PDGFC: variants seen among roughly 807,000 people sequenced by gnomAD.
PDGFC encodes the protein platelet derived growth factor C.
PDGFC carries 12 observed loss-of-function variants against 35.5 expected under a neutral mutation model. The ratio of observed to expected loss-of-function variants is 0.34; its 90% CI spans 0.22 to 0.55. The LOEUF is 0.55. PDGFC is among the 20% of genes least tolerant of loss of function. The pLI is 0.91. For missense variants in PDGFC, 322 were observed against 412.4 expected (o/e 0.78, Z 1.90); for synonymous variants, 159 against 148.8 (o/e 1.07, Z -0.50).
In PDGFC at chr4:156,968,044, AC is replaced by A. The variant is rs1732506547; in HGVS notation, c.118+2741del. 5.3e-5 allele frequency among the ~76,000 whole-genome samples: 8 copies of A among 152,322 alleles called. No individual in the cohort carries two copies. The South Asian group carries it at 1.7e-3, about 32-fold the overall frequency. On this transcript the variant is annotated intron_variant, in intron 1 of 5. Transcript: ENST00000502773. ...CCTAACAATAGTGTAAATGACACTA[AC>A]CCTTCAAAGCTAATTCTGAACCATG...
At chr4:156,780,822 A>C (rs1364401530) in intron 3 of PDGFC, among the ~76,000 whole-genome samples, 1 of 152,164 alleles carries the variant, frequency 6.6e-6, no homozygotes, top group Non-Finnish European at 1.5e-5. Flanking sequence ...ACCCCCCCAC[A>C]TGGCTGAATC....
chr4:156,935,984 T>C (rs1013773530), intron 1 of PDGFC, among the ~76,000 whole-genome samples: 9 of 152,166 alleles, frequency 5.9e-5, no homozygotes, highest in Non-Finnish European at 1.3e-4. Context: ...AACCTGACAA[T>C]TGCTAGAACG....
chr4:156,961,239 A>T lies in PDGFC; in HGVS notation c.118+9547T>A, dbSNP rs942507850. Among the ~76,000 whole-genome samples, 5 of 152,130 alleles carry T rather than the reference A, an allele frequency of 3.3e-5. No individual in the cohort carries two copies. The East Asian group carries it at 9.7e-4, about 29-fold the overall frequency. On this transcript the variant is annotated intron_variant, in intron 1 of 5. Transcript: ENST00000502773. ...GTGATTTATTCCCCAGCAGAAAAAA[A>T]GATAAATAATTATGACTACTTAAAA...
chr4:156,809,474 C>T (rs1257615302), intron 3 of PDGFC, among the ~76,000 whole-genome samples: 2 of 151,942 alleles, frequency 1.3e-5, no homozygotes, highest in Admixed American at 1.3e-4. Flanking sequence ...ACAGTGAATC[C>T]TGTATTAGTT....
At chr4:156,912,611 T>A (rs145863516) in intron 1 of PDGFC, among the ~76,000 whole-genome samples, 1 of 152,108 alleles carries the variant, frequency 6.6e-6, no homozygotes, top group Non-Finnish European at 1.5e-5. Context: ...AAACTGACAG[T>A]ATTCTAGAAG....
intron 1 of PDGFC, among the ~76,000 whole-genome samples, chr4:156,898,821 C>T (rs907461233): frequency 1.3e-5 from 2 of 152,094 alleles, no homozygotes; most frequent in African/African-American, 4.8e-5. Context: ...CTACACCTGG[C>T]TAATTTTTCT....
Position 156,940,367 on chromosome 4 carries a change from T to C in PDGFC, c.118+30419A>G, listed in dbSNP as rs7668451. 7.9e-3 allele frequency among the ~76,000 whole-genome samples: 1,210 copies of C among 152,248 alleles called. 15 individuals are homozygous for C. The highest frequency in any genetic ancestry group is 0.014 in the Non-Finnish European group (920 of 67,978). On this transcript the variant is annotated intron_variant, in intron 1 of 5. Coordinates refer to ENST00000502773, the MANE Select transcript of PDGFC (RefSeq NM_016205.3). ...TGCCCTAAATATAGGTTATGAAATA[T>C]ATATTCAACACTCTGGACAATTGAT...
At chr4:156,766,190 C>G (rs1315185751) in intron 5 of PDGFC, among the ~76,000 whole-genome samples, 1 of 151,994 alleles carries the variant, frequency 6.6e-6, no homozygotes, top group Non-Finnish European at 1.5e-5. Flanking sequence ...CTTTGAAGCC[C>G]TACAGATGCA....
chr4:156,929,184 C>G lies in PDGFC; in HGVS notation c.118+41602G>C, dbSNP rs577854290. Among the ~76,000 whole-genome samples, 52 of 152,094 alleles carry G rather than the reference C, an allele frequency of 3.4e-4. 1 individual carries two copies. The South Asian group carries it at 0.011, about 32-fold the overall frequency. The stretch of plus-strand genomic sequence containing the variant: ...AAGAAAAATTGTGCAAAATGGCAAC[C>G]AGCAAAAAGATACAATATACAAATC... On this transcript the variant is annotated intron_variant, in intron 1 of 5. Coordinates refer to ENST00000502773, the MANE Select transcript of PDGFC (RefSeq NM_016205.3).
At position 156,900,936 on chromosome 4, in the gene PDGFC, GGAGGGAGGGAGGAAGT is replaced by G. The variant is rs1730755900; in HGVS notation, c.119-50536_119-50521del. ...GGGAGGGAGAGAGGAAGTGAGGGAG[GGAGGGAGGGAGGAAGT>G]GAGGGAGGGAGGAAGAAAAAAAGAG... On this transcript the variant is annotated intron_variant, in intron 1 of 5. Transcript: ENST00000502773. Among the ~76,000 whole-genome samples the G allele has an allele frequency of 2.7e-5, 4 of 145,460 alleles. No individual in the cohort carries two copies. In the South Asian group the frequency reaches 6.9e-4, roughly 25 times the overall value.
chr4:156,938,814 CACA>C (rs747837174), intron 1 of PDGFC, among the ~76,000 whole-genome samples: 67 of 151,288 alleles, frequency 4.4e-4, no homozygotes, highest in African/African-American at 8.9e-4. Flanking sequence ...AATATAATAG[CACA>C]ACAACATTAT....
rs143330903 is a variant in PDGFC, at chr4:156,935,812, C to T, written c.118+34974G>A. ...GCAATGGCTTTACAGACCATCAATA[C>T]CATGAAAAATGAGACTACACTGTAT... On this transcript the variant is annotated intron_variant, in intron 1 of 5. Coordinates refer to ENST00000502773, the MANE Select transcript of PDGFC (RefSeq NM_016205.3). 5.4e-3 allele frequency among the ~76,000 whole-genome samples: 821 copies of T among 152,130 alleles called. 8 individuals are homozygous for T. The highest frequency in any genetic ancestry group is 0.019 in the African/African-American group (775 of 41,492).
intron 1 of PDGFC, chr4:156,861,466 C>CA: frequency 7.9e-7 from 1 of 1,265,048 alleles, no homozygotes; most frequent in Non-Finnish European, 1.0e-6. Flanking sequence ...TATGCCAGTC[C>CA]AGATGCTTGG....
chr4:156,792,482 A>G (rs1731324001), intron 3 of PDGFC, among the ~76,000 whole-genome samples: 1 of 152,192 alleles, frequency 6.6e-6, no homozygotes, highest in South Asian at 2.1e-4. Flanking sequence ...AAAAGCAGGG[A>G]AACAGGTGTG....
rs139747352 is a variant in PDGFC, at chr4:156,944,463, A to G, written c.118+26323T>C. On this transcript the variant is annotated intron_variant, in intron 1 of 5. Transcript: ENST00000502773. ...TACTCACATGCACTGACTTCTTATC[A>G]TGATTAAAAATGAAAAATAAAATCC... is the stretch of plus-strand genomic sequence containing the variant. Among the ~76,000 whole-genome samples the G allele has an allele frequency of 7.4e-4, 112 of 152,124 alleles. 1 individual carries two copies. The highest frequency in any genetic ancestry group is 2.5e-3 in the African/African-American group (103 of 41,566).
chr4:156,963,631 C>A (rs142806292), intron 1 of PDGFC, among the ~76,000 whole-genome samples: 1 of 152,042 alleles, frequency 6.6e-6, no homozygotes, highest in Admixed American at 6.6e-5. Flanking sequence ...GGCAAATAAC[C>A]GTCCAGGGAG....
chr4:156,800,012 A>C (rs1037752313), intron 3 of PDGFC, among the ~76,000 whole-genome samples: 1 of 152,176 alleles, frequency 6.6e-6, no homozygotes, highest in East Asian at 1.9e-4. Flanking sequence ...AAATGGTCAG[A>C]AGAGATCTTA....
chr4:156,925,397 T>TATG (rs757844157), intron 1 of PDGFC, among the ~76,000 whole-genome samples: 44 of 152,006 alleles, frequency 2.9e-4, no homozygotes, highest in Admixed American at 7.2e-4. Context: ...TGGTAGTCAA[T>TATG]ATGAAGGAAG....
intron 2 of PDGFC, among the ~76,000 whole-genome samples, chr4:156,811,780 A>T (rs969536079): frequency 6.6e-5 from 10 of 152,098 alleles, no homozygotes; most frequent in African/African-American, 2.2e-4. Flanking sequence ...GTTCACTGAG[A>T]CCATTATTGC....
Sources: allele counts gnomAD v4.1 joint callset (sites outside exome capture counted in the v4.1 genomes callset), GRCh38; gene constraint gnomAD v4.1.1; transcripts MANE v1.5; gene names NCBI Gene and HGNC (gene_info 2026-07-23, HGNC 2026-07-21).